RAI14: variants seen among roughly 807,000 people sequenced by gnomAD.
RAI14 encodes ankycorbin.
Under a neutral mutation model 115.4 loss-of-function variants are expected in RAI14, and 45 were observed. The ratio of observed to expected loss-of-function variants is 0.39; its 90% CI spans 0.31 to 0.50. The LOEUF is 0.50. Ranked by LOEUF, RAI14 falls within the 20% of genes least tolerant of loss-of-function variation. The pLI is 0.85. For missense variants in RAI14, 939 were observed against 1,131.2 expected (o/e 0.83, Z 2.44); for synonymous variants, 371 against 415.4 (o/e 0.89, Z 1.30).
At chr5:34,695,662 A>T (rs927835253) in intron 2 of RAI14, among the ~76,000 whole-genome samples, 1 of 152,252 alleles carries the variant, frequency 6.6e-6, no homozygotes, top group Admixed American at 6.5e-5. Context: ...GGATTAAATG[A>T]ATAGAATAAA....
intron 3 of RAI14, among the ~76,000 whole-genome samples, chr5:34,782,511 G>A (rs1011482511): frequency 6.6e-6 from 1 of 152,166 alleles, no homozygotes; most frequent in Non-Finnish European, 1.5e-5. Flanking sequence ...TTAAGTTCAG[G>A]TGTGCCTGGG....
At chr5:34,722,893 A>G (rs1742957472) in intron 2 of RAI14, among the ~76,000 whole-genome samples, 1 of 152,118 alleles carries the variant, frequency 6.6e-6, no homozygotes. Flanking sequence ...AACATGGTGA[A>G]ACCCCGTTTC....
At chr5:34,779,598 A>G (rs1751348791) in intron 3 of RAI14, among the ~76,000 whole-genome samples, 1 of 152,244 alleles carries the variant, frequency 6.6e-6, no homozygotes, top group African/African-American at 2.4e-5. Context: ...GAGCCAAACC[A>G]TGAGTGAACT....
chr5:34,751,707 T>G (rs1314867929), intron 2 of RAI14, among the ~76,000 whole-genome samples: 1 of 152,234 alleles, frequency 6.6e-6, no homozygotes, highest in Non-Finnish European at 1.5e-5. Context: ...TTGTAATTCT[T>G]GCCTGTTATG....
At position 34,832,460 on chromosome 5, in the gene RAI14, C is replaced by G. The variant is rs1254127891; in HGVS notation, c.*1695C>G. ...AACTTGAGACATTTTTGTAGGATGC[C>G]TGACGAGGTGTAGCCTTTTATCTTG... is the stretch of plus-strand genomic sequence containing the variant. On this transcript the variant is annotated 3_prime_UTR_variant, in exon 18 of 18. Coordinates refer to ENST00000265109, the MANE Select transcript of RAI14 (RefSeq NM_015577.3). 1 of 152,606 alleles carries G rather than the reference C, an allele frequency of 6.6e-6. No individual in the cohort carries two copies. The highest frequency in any genetic ancestry group is 1.5e-5 in the Non-Finnish European group (1 of 68,036). 9.5% of individuals were successfully genotyped at this position (152,606 alleles called of 1,614,324 possible). A position where few individuals can be genotyped will look rare whatever the true frequency, so the allele number is the denominator to read the frequency against.
At chr5:34,733,966 T>C (rs1453891070) in intron 2 of RAI14, among the ~76,000 whole-genome samples, 1 of 152,190 alleles carries the variant, frequency 6.6e-6, no homozygotes, top group African/African-American at 2.4e-5. Context: ...TCAGGCTTCA[T>C]AACGTAGTGT....
intron 2 of RAI14, among the ~76,000 whole-genome samples, chr5:34,735,550 A>G (rs1744757807): frequency 6.6e-6 from 1 of 152,254 alleles, no homozygotes; most frequent in Non-Finnish European, 1.5e-5. Context: ...TTACAAATGC[A>G]TGTGGTAATT....
chr5:34,662,594 C>G (rs923381528), intron 1 of RAI14, among the ~76,000 whole-genome samples: 1 of 151,750 alleles, frequency 6.6e-6, no homozygotes, highest in Non-Finnish European at 1.5e-5. Flanking sequence ...CTTATTGTAT[C>G]CTCTGTAATA....
intron 1 of RAI14, among the ~76,000 whole-genome samples, chr5:34,660,639 A>G (rs1358540369): frequency 6.6e-6 from 1 of 152,136 alleles, no homozygotes; most frequent in Admixed American, 6.5e-5. Context: ...ACAAAGGCAC[A>G]TTCCTGTTCT....
chr5:34,825,086 G>C (rs1464130748), intron 15 of RAI14, among the ~76,000 whole-genome samples: 1 of 152,046 alleles, frequency 6.6e-6, no homozygotes, highest in African/African-American at 2.4e-5. Flanking sequence ...ACCAGCCTCA[G>C]CAATATAGTG....
At chr5:34,810,434 A>G (rs1032119869) in intron 7 of RAI14, among the ~76,000 whole-genome samples, 1 of 152,196 alleles carries the variant, frequency 6.6e-6, no homozygotes. Context: ...AGGGGTTGCA[A>G]TTGTCATGAC....
At chr5:34,704,555 A>T (rs1047591291) in intron 2 of RAI14, among the ~76,000 whole-genome samples, 1 of 152,222 alleles carries the variant, frequency 6.6e-6, no homozygotes, top group African/African-American at 2.4e-5. Flanking sequence ...AAATTTTAGA[A>T]GAGTACATCC....
At chr5:34,778,208 T>C (rs1358447882) in intron 3 of RAI14, among the ~76,000 whole-genome samples, 4 of 152,252 alleles carry the variant, frequency 2.6e-5, no homozygotes, top group Admixed American at 6.5e-5. Context: ...ATTCTATGTT[T>C]AGTGTAGTGC....
chr5:34,734,046 C>T (rs528744074), intron 2 of RAI14, among the ~76,000 whole-genome samples: 2 of 152,322 alleles, frequency 1.3e-5, no homozygotes, highest in Admixed American at 6.5e-5. Flanking sequence ...GAGCTACCAC[C>T]GTGCCACGCT....
chr5:34,760,108 G>C (rs1436057085), intron 3 of RAI14, among the ~76,000 whole-genome samples: 2 of 139,164 alleles, frequency 1.4e-5, no homozygotes. Context: ...GAGTACAGTG[G>C]CGTGATCTTG....
intron 3 of RAI14, among the ~76,000 whole-genome samples, chr5:34,779,464 C>G (rs1171445437): frequency 6.6e-6 from 1 of 152,164 alleles, no homozygotes; most frequent in Non-Finnish European, 1.5e-5. Context: ...GATTGTATAT[C>G]TAGAAAACCC....
rs1362333244 is a variant in RAI14 at position 34,823,390 on chromosome 5, G to A, written c.1548G>A (p.Met516Ile). Residue 516 changes from methionine (M) to isoleucine (I), a missense_variant, in exon 15 of 18, where the codon ATG becomes ATA. Met to Ile is a conservative substitution (Grantham distance 10). Coordinates refer to ENST00000265109, the MANE Select transcript of RAI14 (RefSeq NM_015577.3). The surrounding 1 kb of genome is among the most constrained non-coding windows in gnomAD (Gnocchi z 4.5). ...TCGGTCTTGTCTCACCTGAAAGCAT[G>A]GATAATTATTCACATTTCCACGAGC... is the stretch of plus-strand genomic sequence containing the variant. Reference protein sequence around the residue: ...MKLGLVSPESMDNYSHFHELR... With the variant: ...MKLGLVSPESIDNYSHFHELR... 6.2e-7 allele frequency: 1 copy of A among 1,613,938 alleles called. No individual in the cohort carries two copies. The highest frequency in any genetic ancestry group is 8.5e-7 in the Non-Finnish European group (1 of 1,180,024).
chr5:34,789,995 C>CTA (rs977256136), intron 3 of RAI14, among the ~76,000 whole-genome samples: 16 of 152,136 alleles, frequency 1.1e-4, no homozygotes, highest in Non-Finnish European at 1.9e-4. Flanking sequence ...TTTGATAAAG[C>CTA]TATAAGGTTG....
At chr5:34,808,714 A>C in intron 7 of RAI14, 60 bp downstream of exon 7, 6 of 1,475,040 alleles carry the variant, frequency 4.1e-6, no homozygotes, top group Non-Finnish European at 3.8e-6. Flanking sequence ...GCTCAATGGG[A>C]TACCTCTAGA....
Sources: allele counts gnomAD v4.1 joint callset (sites outside exome capture counted in the v4.1 genomes callset), GRCh38; gene constraint gnomAD v4.1.1; non-coding constraint Gnocchi (gnomAD v3.1); transcripts MANE v1.5; gene names NCBI Gene and HGNC (gene_info 2026-07-23, HGNC 2026-07-21).